The following EPHA6 variants were observed in gnomAD, a reference collection of about 807,000 sequenced individuals.
The protein encoded by EPHA6 is ephrin type-A receptor 6.
In EPHA6, 50 loss-of-function variants were observed where a neutral mutation model predicts 112.0. The ratio of observed to expected loss-of-function variants is 0.45; its 90% CI spans 0.36 to 0.56. The LOEUF is 0.56. Ranked by LOEUF, EPHA6 falls within the 20% of genes least tolerant of loss-of-function variation. EPHA6 has a pLI of 0.00. For missense variants in EPHA6, 1,280 were observed against 1,417.4 expected (o/e 0.90, Z 1.56); for synonymous variants, 529 against 490.7 (o/e 1.08, Z -1.03).
intron 1 of EPHA6, among the ~76,000 whole-genome samples, chr3:96,860,699 A>G (rs1424481223): frequency 6.6e-6 from 1 of 152,062 alleles, no homozygotes; most frequent in African/African-American, 2.4e-5. Flanking sequence ...TCTTTGTGAG[A>G]GATGAGAGAC....
rs145248864 is a variant in EPHA6, at chr3:97,465,690, A to G, written c.1895-9662A>G. Among the ~76,000 whole-genome samples, 13 of 152,092 alleles carry G rather than the reference A, an allele frequency of 8.5e-5. No individual in the cohort carries two copies. The East Asian group carries it at 2.5e-3, about 29-fold the overall frequency. ...AGCAATAGCAGGTCCTAAAAGAAATATACTTGGGTCCATAACGCTAAGAAA... is the reference window on the plus strand; with the variant it reads ...AGCAATAGCAGGTCCTAAAAGAAATGTACTTGGGTCCATAACGCTAAGAAA... On this transcript the variant is annotated intron_variant, in intron 7 of 17. Transcript: ENST00000389672.
chr3:97,039,513 T>C (rs1309725266), intron 3 of EPHA6, among the ~76,000 whole-genome samples: 1 of 151,824 alleles, frequency 6.6e-6, no homozygotes, highest in African/African-American at 2.4e-5. Flanking sequence ...AGAAGAGATA[T>C]AGTTAGTTGG....
chr3:96,825,501 A>C (rs75536574), intron 1 of EPHA6, among the ~76,000 whole-genome samples: 6,344 of 152,000 alleles, frequency 0.042, 152 homozygotes, highest in Non-Finnish European at 0.068. Context: ...CTATCATGTT[A>C]AATATTTTTA....
chr3:97,173,307 C>T (rs1024895107), intron 3 of EPHA6, among the ~76,000 whole-genome samples: 25 of 151,718 alleles, frequency 1.6e-4, no homozygotes, highest in Non-Finnish European at 2.5e-4. Context: ...TAAACAAATA[C>T]GAGCTAAAGA....
intron 3 of EPHA6, among the ~76,000 whole-genome samples, chr3:97,191,422 G>A (rs1457931671): frequency 6.6e-6 from 1 of 150,998 alleles, no homozygotes; most frequent in Non-Finnish European, 1.5e-5. Context: ...ATTCATTCTA[G>A]CTAACAATAT....
chr3:97,019,567 C>T (rs977156229), intron 3 of EPHA6, among the ~76,000 whole-genome samples: 21 of 152,128 alleles, frequency 1.4e-4, no homozygotes, highest in Non-Finnish European at 2.9e-4. Context: ...AGCCTGGACA[C>T]TTTCTTTATG....
intron 3 of EPHA6, among the ~76,000 whole-genome samples, chr3:97,061,987 A>G (rs1403205765): frequency 6.6e-6 from 1 of 152,144 alleles, no homozygotes; most frequent in Non-Finnish European, 1.5e-5. Context: ...AGGAGACACT[A>G]GTTCAGCCTT....
At chr3:97,014,991 G>A (rs537147353) in intron 3 of EPHA6, among the ~76,000 whole-genome samples, 1 of 152,020 alleles carries the variant, frequency 6.6e-6, no homozygotes, top group African/African-American at 2.4e-5. Flanking sequence ...AATTGAAATG[G>A]TTCCTTTAGT....
chr3:97,068,616 TCA>T (rs147267729), intron 3 of EPHA6, among the ~76,000 whole-genome samples: 70 of 147,688 alleles, frequency 4.7e-4, no homozygotes, highest in Non-Finnish European at 6.3e-4. Flanking sequence ...ATGTACACAC[TCA>T]CACACACACA....
rs1008653962 is a variant in EPHA6, at chr3:97,251,257, G to A, written c.1606+6970G>A. Among the ~76,000 whole-genome samples the A allele has an allele frequency of 1.2e-4, 19 of 152,208 alleles. 1 individual carries two copies. The highest frequency in any genetic ancestry group is 9.8e-4 in the Admixed American group (15 of 15,300). On this transcript the variant is annotated intron_variant, in intron 5 of 17. Coordinates refer to ENST00000389672, the MANE Select transcript of EPHA6 (RefSeq NM_001080448.3). ...GTAAGAATAAAACAAAAGGCCGGGC[G>A]CAGTGGCTCACGCCTGTAATCTCAG...
At chr3:97,482,879 G>A (rs960586635) in intron 9 of EPHA6, among the ~76,000 whole-genome samples, 3 of 152,156 alleles carry the variant, frequency 2.0e-5, no homozygotes, top group Admixed American at 1.3e-4. Context: ...ATTATTGCCT[G>A]TAAAACCATA....
At chr3:97,653,506 A>C (rs1023128220) in intron 14 of EPHA6, among the ~76,000 whole-genome samples, 3 of 151,984 alleles carry the variant, frequency 2.0e-5, no homozygotes, top group African/African-American at 7.2e-5. Flanking sequence ...AAAAATAGCA[A>C]GTGGTGGTGA....
chr3:97,217,318 A>C (rs1576701873), intron 3 of EPHA6, among the ~76,000 whole-genome samples: 1 of 152,190 alleles, frequency 6.6e-6, no homozygotes, highest in East Asian at 1.9e-4. Context: ...TTCAACAAAG[A>C]AGATAAAACA....
chr3:97,327,209 A>G (rs1404952306), intron 5 of EPHA6, among the ~76,000 whole-genome samples: 1 of 152,098 alleles, frequency 6.6e-6, no homozygotes, highest in African/African-American at 2.4e-5. Flanking sequence ...TAATGCAAGC[A>G]ACCATCTCTT....
chr3:97,260,015 G>A (rs1326748309), intron 5 of EPHA6, among the ~76,000 whole-genome samples: 1 of 152,078 alleles, frequency 6.6e-6, no homozygotes, highest in Admixed American at 6.5e-5. Context: ...TGGTCAGGCT[G>A]GTCTGGAACT....
rs774385448 is a variant in EPHA6 at position 96,987,659 on chromosome 3, C to T, written c.780C>T (p.Ile260=). Residue 260 remains isoleucine (I), a synonymous_variant, in exon 3 of 18, where the codon ATC becomes ATT. Transcript: ENST00000389672. The stretch of plus-strand genomic sequence containing the variant: ...CCCAGATGGATTTGGGTGATCGCAT[C>T]CTCAAACTCAACACTGAAATTCGTG... ...SFTQMDLGDR[I]LKLNTEIREV... is the part of the protein sequence containing the mutation. 1 of 1,607,272 alleles carries T rather than the reference C, an allele frequency of 6.2e-7. No homozygotes were observed. Among genetic ancestry groups the T allele is most frequent in the Non-Finnish European group, 8.5e-7 (1 of 1,175,094 alleles).
chr3:97,298,402 G>A (rs985833417), intron 5 of EPHA6, among the ~76,000 whole-genome samples: 2 of 152,144 alleles, frequency 1.3e-5, no homozygotes, highest in Non-Finnish European at 1.5e-5. Context: ...CTAGGCCAAA[G>A]GAATCATAGC....
rs563738534 is a variant in EPHA6 at position 97,578,538 on chromosome 3, A to G, written c.2387-14074A>G. On this transcript the variant is annotated intron_variant, in intron 11 of 17. Transcript: ENST00000389672. ...TAACGACAGGGGTTTTGAAACTGGG[A>G]TGAAAGAAACAGGTATGGAAAGGCC... Among the ~76,000 whole-genome samples the G allele has an allele frequency of 9.9e-4, 151 of 152,268 alleles. 2 individuals are homozygous for G. Among genetic ancestry groups the G allele is most frequent in the African/African-American group, 3.4e-3 (143 of 41,558 alleles).
At position 97,523,276 on chromosome 3, in the gene EPHA6, T is replaced by G. The variant is rs540300833; in HGVS notation, c.2201-9082T>G. Among the ~76,000 whole-genome samples the G allele has an allele frequency of 9.2e-5, 14 of 152,312 alleles. No individual in the cohort carries two copies. In the South Asian group the frequency reaches 2.9e-3, roughly 32 times the overall value. ...ATTTTTAACTTTCATTTTTAATTCC[T>G]TCCTTGATCCATTAGTTGTACAGGA... On this transcript the variant is annotated intron_variant, in intron 10 of 17. Transcript: ENST00000389672.
Sources: gnomAD v4.1 joint callset for allele counts (sites outside exome capture counted in the v4.1 genomes callset) on GRCh38, gnomAD v4.1.1 for gene constraint, MANE v1.5 for transcripts, NCBI Gene and HGNC (gene_info 2026-07-23, HGNC 2026-07-21) for gene names.